The following ESRRB variants were observed in gnomAD, a reference collection of about 807,000 sequenced individuals.
The protein encoded by ESRRB is steroid hormone receptor ERR2.
ESRRB carries 16 observed loss-of-function variants against 46.0 expected under a neutral mutation model. The observed-to-expected ratio is 0.35, with a 90% CI of 0.24 to 0.53. The LOEUF (loss-of-function observed/expected upper bound fraction) is 0.53. ESRRB is among the 20% of genes least tolerant of loss of function. The pLI is 0.93. For missense variants in ESRRB, 488 were observed against 607.4 expected (o/e 0.80, Z 2.07); for synonymous variants, 246 against 259.6 (o/e 0.95, Z 0.50).
At chr14:76,368,969 G>A (rs551578638), upstream of ESRRB, among the ~76,000 whole-genome samples, 4 of 152,148 alleles carry the variant, frequency 2.6e-5, no homozygotes, top group South Asian at 8.3e-4. Flanking sequence ...GGCCGAGGTG[G>A]GTGGATCACC....
chr14:76,332,738 AT>A (rs1884041757), intron 1 of ESRRB, among the ~76,000 whole-genome samples: 2 of 22,734 alleles, frequency 8.8e-5, no homozygotes, highest in African/African-American at 3.7e-4. Flanking sequence ...TTTATATATT[AT>A]ATATTTATAT....
At chr14:76,359,912 C>T (rs562054178) in intron 1 of ESRRB, among the ~76,000 whole-genome samples, 2 of 152,204 alleles carry the variant, frequency 1.3e-5, no homozygotes, top group Non-Finnish European at 2.9e-5. Context: ...CAAAGGCTCA[C>T]GTATCTGTTA....
chr14:76,464,907 G>A (rs751832167), intron 3 of ESRRB, among the ~76,000 whole-genome samples: 1 of 152,000 alleles, frequency 6.6e-6, no homozygotes, highest in African/African-American at 2.4e-5. Context: ...TGTGGTGCTG[G>A]GAATCTGAGG....
chr14:76,490,084 A>G (rs79266178), intron 5 of ESRRB, among the ~76,000 whole-genome samples: 5,241 of 152,328 alleles, frequency 0.034, 294 homozygotes, highest in African/African-American at 0.12. Context: ...CAAATGAAGT[A>G]GAAAGTCCTT....
chr14:76,437,220 C>T (rs150872517), intron 1 of ESRRB, among the ~76,000 whole-genome samples: 3,488 of 152,188 alleles, frequency 0.023, 130 homozygotes, highest in African/African-American at 0.079. Flanking sequence ...TTTGTAGAGA[C>T]GGGCTTTCAC....
In ESRRB at chr14:76,498,495, G is replaced by C. The variant is rs954013252; in HGVS notation, c.*37G>C. On this transcript the variant is annotated 3_prime_UTR_variant, in exon 7 of 7. Coordinates refer to ENST00000644823, the MANE Select transcript of ESRRB (RefSeq NM_001379180.1). Reference sequence around the variant, plus strand: ...ACGGACCAATGCCCACCTACAGACAGACAAACGGACAGACCGAGGTGGAGA... The same window carrying C: ...ACGGACCAATGCCCACCTACAGACACACAAACGGACAGACCGAGGTGGAGA... The C allele has an allele frequency of 4.3e-6, 7 of 1,612,606 alleles. No individual in the cohort carries two copies. The African/African-American group carries it at 8.0e-5, about 18-fold the overall frequency.
intron 1 of ESRRB, among the ~76,000 whole-genome samples, chr14:76,389,184 T>C (rs1263477936): frequency 6.6e-6 from 1 of 152,190 alleles, no homozygotes; most frequent in Non-Finnish European, 1.5e-5. Context: ...CTGGTCTGCT[T>C]AGCAAACTTC....
At chr14:76,451,789 A>AT (rs111716273) in intron 2 of ESRRB, among the ~76,000 whole-genome samples, 8,995 of 122,466 alleles carry the variant, frequency 0.073, 878 homozygotes, top group African/African-American at 0.22. Flanking sequence ...TGCCCAGCTA[A>AT]TTTTTTTTTT....
At position 76,477,318 on chromosome 14, in the gene ESRRB, C is replaced by G. The variant is rs192430049; in HGVS notation, c.578-4698C>G. On this transcript the variant is annotated intron_variant, in intron 3 of 6. Coordinates refer to ENST00000644823, the MANE Select transcript of ESRRB (RefSeq NM_001379180.1). Reference sequence around the variant, plus strand: ...AAGAGCTGATGGGTATAAAGGGAAACCAGCATGAGGTGGCCTGTGAGGTAT... The same window carrying G: ...AAGAGCTGATGGGTATAAAGGGAAAGCAGCATGAGGTGGCCTGTGAGGTAT... Among the ~76,000 whole-genome samples, 289 of 152,284 alleles carry G rather than the reference C, an allele frequency of 1.9e-3. 1 individual carries two copies. The highest frequency in any genetic ancestry group is 6.0e-3 in the South Asian group (29 of 4,822).
At chr14:76,427,073 T>C (rs1321632553) in intron 1 of ESRRB, among the ~76,000 whole-genome samples, 1 of 152,196 alleles carries the variant, frequency 6.6e-6, no homozygotes, top group African/African-American at 2.4e-5. Context: ...TCTAGGACTC[T>C]CTGCCTCAAC....
intron 6 of ESRRB, among the ~76,000 whole-genome samples, chr14:76,495,018 G>A (rs893979259): frequency 3.9e-5 from 6 of 151,978 alleles, no homozygotes; most frequent in Admixed American, 3.3e-4. Flanking sequence ...ACATGGACCC[G>A]CACACATACA....
intron 1 of ESRRB, among the ~76,000 whole-genome samples, chr14:76,416,589 C>T (rs762403781): frequency 3.9e-5 from 6 of 152,092 alleles, no homozygotes; most frequent in Admixed American, 6.6e-5. Flanking sequence ...CCTGCCCCAG[C>T]CTCCTGAGTA....
intron 2 of ESRRB, among the ~76,000 whole-genome samples, chr14:76,454,736 C>T (rs1281956413): frequency 6.6e-6 from 1 of 152,042 alleles, no homozygotes; most frequent in African/African-American, 2.4e-5. Context: ...GTAGGCTTTG[C>T]CCTGGAGTTT....
At chr14:76,489,110 C>T (rs570590982) in intron 5 of ESRRB, among the ~76,000 whole-genome samples, 4 of 152,146 alleles carry the variant, frequency 2.6e-5, no homozygotes, top group Admixed American at 6.5e-5. Flanking sequence ...TTTTCCCCTG[C>T]GTTTCCAGAA....
rs373459641 is a variant in ESRRB at position 76,345,608 on chromosome 14, T to C, written c.2+34692T>C. ...CACTGCTGGTGGGAATGTACACTAG[T>C]ACAGCCACTATGGAAAACAGTGTGG... On this transcript the variant is annotated intron_variant, in intron 1 of 6. Coordinates refer to the ESRRB transcript ENST00000512784. 2.3e-3 allele frequency among the ~76,000 whole-genome samples: 346 copies of C among 152,340 alleles called. 3 individuals are homozygous for C. The highest frequency in any genetic ancestry group is 7.7e-3 in the African/African-American group (320 of 41,572).
chr14:76,332,585 T>A (rs1324215382), intron 1 of ESRRB, among the ~76,000 whole-genome samples: 2 of 28,820 alleles, frequency 6.9e-5, no homozygotes, highest in African/African-American at 1.3e-4. Context: ...ATATTATATA[T>A]TTATATATTA....
At chr14:76,385,957 C>G (rs1269147212) in intron 1 of ESRRB, among the ~76,000 whole-genome samples, 1 of 152,112 alleles carries the variant, frequency 6.6e-6, no homozygotes, top group Non-Finnish European at 1.5e-5. Flanking sequence ...AGGACAAGCA[C>G]CAGGCATATA....
chr14:76,328,932 A>G (rs1038439102), intron 1 of ESRRB, among the ~76,000 whole-genome samples: 14 of 152,106 alleles, frequency 9.2e-5, no homozygotes, highest in Non-Finnish European at 1.8e-4. Flanking sequence ...TGTGTGTTTG[A>G]TCTCTGGTGC....
At chr14:76,367,778 G>A (rs1412658296), upstream of ESRRB, among the ~76,000 whole-genome samples, 1 of 152,124 alleles carries the variant, frequency 6.6e-6, no homozygotes, top group Non-Finnish European at 1.5e-5. Context: ...CCAACAGCTT[G>A]TGTGTGGTAC....
Sources: allele counts gnomAD v4.1 joint callset (sites outside exome capture counted in the v4.1 genomes callset), GRCh38; gene constraint gnomAD v4.1.1; transcripts MANE v1.5; gene names NCBI Gene and HGNC (gene_info 2026-07-23, HGNC 2026-07-21).